CNTNAP5: variants seen among roughly 807,000 people sequenced by gnomAD.
CNTNAP5 encodes the protein contactin associated protein family member 5, also known as contactin-associated protein-like 5.
Under a neutral mutation model 150.2 loss-of-function variants are expected in CNTNAP5, and 72 were observed. The observed-to-expected ratio is 0.48, with a 90% CI of 0.40 to 0.58. The LOEUF (loss-of-function observed/expected upper bound fraction) is 0.58, where lower values mean the gene tolerates loss of function less well. Among genes scored for constraint, CNTNAP5 ranks in the 20% least tolerant of loss-of-function variants. The pLI, the probability that CNTNAP5 is intolerant of heterozygous loss-of-function variation, is 0.00. For synonymous variants in CNTNAP5, 672 were observed against 619.8 expected (o/e 1.08, Z -1.25); for missense variants, 1,636 against 1,626.2 (o/e 1.01, Z -0.10).
At chr2:124,887,516 A>C (rs138905987) in intron 21 of CNTNAP5, among the ~76,000 whole-genome samples, 2 of 152,214 alleles carry the variant, frequency 1.3e-5, no homozygotes, top group East Asian at 3.9e-4. Context: ...TCATCATAGC[A>C]ACCTACCAGA....
intron 12 of CNTNAP5, among the ~76,000 whole-genome samples, chr2:124,641,441 T>C (rs1210129997): frequency 6.6e-6 from 1 of 152,150 alleles, no homozygotes; most frequent in Non-Finnish European, 1.5e-5. Flanking sequence ...TAGCAGTCAT[T>C]ACCTATGATT....
chr2:124,546,963 C>A (rs1006651418), intron 10 of CNTNAP5, among the ~76,000 whole-genome samples: 1 of 152,102 alleles, frequency 6.6e-6, no homozygotes, highest in African/African-American at 2.4e-5. Flanking sequence ...AGTTTGACAC[C>A]TGGTAGAGAA....
At chr2:124,341,913 T>C (rs542153672) in intron 3 of CNTNAP5, among the ~76,000 whole-genome samples, 30 of 152,244 alleles carry the variant, frequency 2.0e-4, no homozygotes, top group African/African-American at 7.0e-4. Flanking sequence ...AACTGATAAT[T>C]TTAATTTTAG....
intron 12 of CNTNAP5, among the ~76,000 whole-genome samples, chr2:124,641,030 G>A (rs1346486292): frequency 6.6e-6 from 1 of 151,040 alleles, no homozygotes; most frequent in East Asian, 1.9e-4. Flanking sequence ...GAAGGCTGAG[G>A]CAAGAGAATT....
intron 22 of CNTNAP5, among the ~76,000 whole-genome samples, chr2:124,909,826 C>CATATATATATATATATATATAT (rs368913883): frequency 5.9e-4 from 44 of 74,614 alleles, no homozygotes; most frequent in Non-Finnish European, 6.7e-4. Context: ...CAATTGGTGA[C>CATATATATATATATATATATAT]ATATATATAT....
chr2:124,878,839 C>A (rs966421436), intron 21 of CNTNAP5, among the ~76,000 whole-genome samples: 11 of 151,650 alleles, frequency 7.3e-5, no homozygotes, highest in Admixed American at 2.0e-4. Context: ...TGTGCCACCT[C>A]GCCCGGCCAA....
intron 5 of CNTNAP5, 108 bp from the exon 6 acceptor site, chr2:124,446,645 A>T: frequency 9.5e-7 from 1 of 1,048,886 alleles, no homozygotes; most frequent in South Asian, 1.6e-5. Context: ...GGGAGACATC[A>T]TTCTTTGCCT....
intron 16 of CNTNAP5, among the ~76,000 whole-genome samples, chr2:124,771,587 T>C (rs529660163): frequency 6.6e-6 from 1 of 152,268 alleles, no homozygotes; most frequent in South Asian, 2.1e-4. Flanking sequence ...TGGTCAGTGC[T>C]TAGCATGGTG....
chr2:124,794,498 A>G (rs1681802913), intron 18 of CNTNAP5, among the ~76,000 whole-genome samples: 2 of 152,252 alleles, frequency 1.3e-5, no homozygotes, highest in Non-Finnish European at 2.9e-5. Context: ...GCTACAATAA[A>G]CACATATATT....
At chr2:124,187,297 C>T (rs1685357861) in intron 1 of CNTNAP5, among the ~76,000 whole-genome samples, 1 of 152,126 alleles carries the variant, frequency 6.6e-6, no homozygotes, top group South Asian at 2.1e-4. Context: ...TAACTGGTGG[C>T]TGAGGTCCAG....
At chr2:124,651,646 G>A (rs1286715550) in intron 13 of CNTNAP5, among the ~76,000 whole-genome samples, 2 of 152,182 alleles carry the variant, frequency 1.3e-5, no homozygotes, top group Admixed American at 6.5e-5. Flanking sequence ...TCACAAAAGC[G>A]GCCAAGAGCC....
rs372672927 is a variant in CNTNAP5 at position 124,567,427 on chromosome 2, G to A, written c.1756+4104G>A. Among the ~76,000 whole-genome samples the A allele has an allele frequency of 3.3e-5, 5 of 152,260 alleles. No homozygotes were observed. The East Asian group carries it at 7.7e-4, about 23-fold the overall frequency. On this transcript the variant is annotated intron_variant, in intron 11 of 23. Coordinates refer to ENST00000682447, the MANE Select transcript of CNTNAP5 (RefSeq NM_001367498.1). ...TAAGAAAAACATGATGAATGTGTGGGCAATTTCTGTCCAATCTGTGGCAGC... is the reference window on the plus strand; with the variant it reads ...TAAGAAAAACATGATGAATGTGTGGACAATTTCTGTCCAATCTGTGGCAGC...
chr2:124,884,372 C>T (rs1375542295), intron 21 of CNTNAP5, among the ~76,000 whole-genome samples: 1 of 151,980 alleles, frequency 6.6e-6, no homozygotes, highest in Non-Finnish European at 1.5e-5. Context: ...CATGCATGTC[C>T]ATGTGTGTGC....
intron 13 of CNTNAP5, among the ~76,000 whole-genome samples, chr2:124,681,555 TTTTG>T (rs1490559331): frequency 2.0e-5 from 3 of 152,062 alleles, no homozygotes; most frequent in Admixed American, 6.6e-5. Flanking sequence ...TTGTTTTTAT[TTTTG>T]TTTGTTTGTT....
chr2:124,761,905 A>G (rs1680962871), intron 14 of CNTNAP5, among the ~76,000 whole-genome samples: 1 of 152,138 alleles, frequency 6.6e-6, no homozygotes, highest in African/African-American at 2.4e-5. Context: ...TGTGGAAAAG[A>G]TGCCAGAATG....
chr2:124,600,727 TACTCAG>T (rs1180686713), intron 11 of CNTNAP5, among the ~76,000 whole-genome samples: 4 of 87,200 alleles, frequency 4.6e-5, no homozygotes, highest in African/African-American at 9.3e-5. Flanking sequence ...ACAACAACAA[TACTCAG>T]AGAGAGAGAG....
intron 17 of CNTNAP5, among the ~76,000 whole-genome samples, chr2:124,786,399 G>GGAAGGAAGGA (rs1681584081): frequency 7.2e-5 from 5 of 69,814 alleles, no homozygotes; most frequent in African/African-American, 3.6e-4. Context: ...AAGAAAGAAA[G>GGAAGGAAGGA]AAGGAAGGAA....
chr2:124,507,184 C>G (rs1694429620), intron 8 of CNTNAP5, among the ~76,000 whole-genome samples: 2 of 152,034 alleles, frequency 1.3e-5, no homozygotes, highest in Non-Finnish European at 2.9e-5. Context: ...ATGGGCCAGG[C>G]ACGGTGGCTC....
intron 19 of CNTNAP5, among the ~76,000 whole-genome samples, chr2:124,827,841 G>A (rs923026059): frequency 6.6e-6 from 1 of 152,118 alleles, no homozygotes; most frequent in Non-Finnish European, 1.5e-5. Context: ...TCTGTGTTCT[G>A]TAGTTTCTGT....
Sources: gnomAD v4.1 joint callset for allele counts (sites outside exome capture counted in the v4.1 genomes callset) on GRCh38, gnomAD v4.1.1 for gene constraint, MANE v1.5 for transcripts, NCBI Gene and HGNC (gene_info 2026-07-23, HGNC 2026-07-21) for gene names.